Variants in LAMC2 observed in about 807,000 individuals in gnomAD.
The protein encoded by LAMC2 is laminin subunit gamma 2.
A neutral mutation model predicts 140.2 loss-of-function variants in LAMC2; 97 were observed. That is an observed-to-expected ratio of 0.69 (90% CI 0.59 to 0.82). LAMC2 has a LOEUF of 0.82. Among genes scored for constraint, LAMC2 ranks in the 40% least tolerant of loss-of-function variants. LAMC2 has a pLI of 0.00. For missense variants in LAMC2, 1,402 were observed against 1,476.1 expected (o/e 0.95, Z 0.82); for synonymous variants, 513 against 540.2 (o/e 0.95, Z 0.70).
At chr1:183,233,897 T>C (rs961296406) in intron 14 of LAMC2, among the ~76,000 whole-genome samples, 3 of 151,896 alleles carry the variant, frequency 2.0e-5, no homozygotes, top group African/African-American at 7.3e-5. Context: ...TTTCTTTTTT[T>C]TTTTTCGAGA....
At chr1:183,209,654 G>A (rs1659011555) in intron 2 of LAMC2, among the ~76,000 whole-genome samples, 1 of 152,246 alleles carries the variant, frequency 6.6e-6, no homozygotes, top group South Asian at 2.1e-4. Context: ...AGGTCATGCA[G>A]CTTCATTGTG....
rs538375294 is a variant in LAMC2 at position 183,240,841 on chromosome 1, AC to A, written c.3328+451del. On this transcript the variant is annotated intron_variant, in intron 22 of 22. Coordinates refer to ENST00000264144, the MANE Select transcript of LAMC2 (RefSeq NM_005562.3). ...GTTAGAGAGAAGGCAGGTTGAGACT[AC>A]TTAAGATATTGTTGAAATAATTGAA... 4.3e-3 allele frequency: 1,008 copies of A among 235,646 alleles called. 17 individuals are homozygous for A. The highest frequency in any genetic ancestry group is 0.022 in the African/African-American group (953 of 43,318). The allele number at this position is 235,646 out of a possible 1,614,324, so 14.6% of individuals were successfully genotyped here.
chr1:183,210,822 A>C (rs76034704), intron 2 of LAMC2, among the ~76,000 whole-genome samples: 25 of 152,212 alleles, frequency 1.6e-4, no homozygotes, highest in African/African-American at 5.5e-4. Context: ...TCCAAACTGC[A>C]GAGGCTGAAA....
intron 1 of LAMC2, among the ~76,000 whole-genome samples, chr1:183,198,897 C>T (rs1391901633): frequency 4.6e-5 from 7 of 152,146 alleles, no homozygotes; most frequent in Non-Finnish European, 8.8e-5. Flanking sequence ...CCCTTAATCT[C>T]ATTGAAAATC....
chr1:183,245,131 G>A (rs1660214451), downstream of LAMC2, among the ~76,000 whole-genome samples: 1 of 152,108 alleles, frequency 6.6e-6, no homozygotes, highest in African/African-American at 2.4e-5. Context: ...TTTATTTCTA[G>A]AAAAACTCTA....
At position 183,240,762 on chromosome 1, in the gene LAMC2, T is replaced by C. The variant is rs1035150896; in HGVS notation, c.3328+371T>C. ...AAGCAGAGGAATAACATCACCACTG[T>C]ATATTTCAGAAAGATCACTAGGGCA... On this transcript the variant is annotated intron_variant, in intron 22 of 22. Coordinates refer to ENST00000264144, the MANE Select transcript of LAMC2 (RefSeq NM_005562.3). The C allele has an allele frequency of 8.2e-6, 8 of 973,300 alleles. No homozygotes were observed. In the Admixed American group the frequency reaches 2.3e-4, roughly 28 times the overall value. The allele number at this position is 973,300 out of a possible 1,614,324, so 60.3% of individuals were successfully genotyped here.
At chr1:183,207,089 T>G (rs1658909296) in intron 1 of LAMC2, among the ~76,000 whole-genome samples, 1 of 152,232 alleles carries the variant, frequency 6.6e-6, no homozygotes. Flanking sequence ...TGAAGTGATG[T>G]GCCCAAGGAA....
rs767774808 is a variant in LAMC2, at chr1:183,232,176, T to C, written c.1858-11T>C. The C allele has an allele frequency of 6.2e-7, 1 of 1,613,400 alleles. No homozygotes were observed. The highest frequency in any genetic ancestry group is 8.5e-7 in the Non-Finnish European group (1 of 1,179,920). On this transcript the variant is annotated splice_polypyrimidine_tract_variant and intron_variant, in intron 12 of 22. Transcript: ENST00000264144. ...TCCACCCTCGTTCTGATCTTTCCTGTGTGGTTTCAGATGGATCAGTTTATG... is the reference window on the plus strand; with the variant it reads ...TCCACCCTCGTTCTGATCTTTCCTGCGTGGTTTCAGATGGATCAGTTTATG...
At chr1:183,222,016 C>T in intron 5 of LAMC2, 73 bp from the exon 6 acceptor site, 1 of 1,597,170 alleles carries the variant, frequency 6.3e-7, no homozygotes, top group Non-Finnish European at 8.6e-7. Context: ...TGTCGGCAAG[C>T]AAATCTTTCT....
At chr1:183,237,221 G>A (rs1393267302) in intron 17 of LAMC2, 131 bp from the exon 18 acceptor site, 18 of 983,460 alleles carry the variant, frequency 1.8e-5, no homozygotes, top group South Asian at 1.3e-4. Flanking sequence ...TTTGGGCCTG[G>A]ATGGCTAGTG....
At position 183,186,421 on chromosome 1, in the gene LAMC2, C is replaced by T. The variant is rs376512605; in HGVS notation, c.69C>T (p.Ser23=). Residue 23 remains serine, a synonymous_variant, in exon 1 of 23, where the codon TCC becomes TCT. Transcript: ENST00000264144. ...TCCTGCCCGCAGCCCGGGCCACCTC[C>T]AGGAGGGAAGGTGAGTCGGCTTCCA... The part of the protein sequence containing the change: ...SLLLPAARAT[S]RREVCDCNGK... 54 of 1,604,586 alleles carry T rather than the reference C, an allele frequency of 3.4e-5. No individual in the cohort carries two copies. The highest frequency in any genetic ancestry group is 4.2e-5 in the Non-Finnish European group (50 of 1,179,732).
At chr1:183,250,429 C>G in the LAMC2 span, 2 of 152,286 alleles carry the variant, frequency 1.3e-5, no homozygotes, top group East Asian at 3.9e-4. Flanking sequence ...GTGGAGAGCA[C>G]CTGGGACAGA....
rs1659606173 is a variant in LAMC2, at chr1:183,225,707, A to C, written c.1053A>C (p.Thr351=). Residue 351 remains threonine (T), a synonymous_variant, in exon 8 of 23, where the codon ACA becomes ACC. Transcript: ENST00000264144. ...TCACAGCCCTCCGCATCCGAGCTAC[A>C]TATGGAGAATACAGTAAGTGGCTAC... ...RNLTALRIRA[T]YGEYSTGYID... The C allele has an allele frequency of 4.4e-6, 7 of 1,605,086 alleles. No individual in the cohort carries two copies. Among genetic ancestry groups the C allele is most frequent in the Non-Finnish European group, 6.0e-6 (7 of 1,171,670 alleles).
chr1:183,198,255 C>T (rs1430268380), intron 1 of LAMC2, among the ~76,000 whole-genome samples: 1 of 151,498 alleles, frequency 6.6e-6, no homozygotes, highest in East Asian at 1.9e-4. Flanking sequence ...GATTCCCCTG[C>T]CTCAGCCACC....
intron 7 of LAMC2, 132 bp downstream of exon 7, chr1:183,223,456 T>C (rs1659536461): frequency 1.2e-6 from 1 of 822,408 alleles, no homozygotes; most frequent in African/African-American, 1.7e-5. Context: ...ACCATGAAGG[T>C]TGCTATGTGC....
At chr1:183,215,984 G>A (rs1027223858) in intron 3 of LAMC2, among the ~76,000 whole-genome samples, 1 of 152,186 alleles carries the variant, frequency 6.6e-6, no homozygotes, top group African/African-American at 2.4e-5. Flanking sequence ...GGGTGGAACT[G>A]TTCTGCATAA....
intron 8 of LAMC2, 94 bp from the exon 9 acceptor site, chr1:183,226,604 A>G: frequency 1.9e-6 from 2 of 1,067,992 alleles, no homozygotes; most frequent in South Asian, 2.5e-5. Flanking sequence ...TGTCTTTGTT[A>G]GGGAGTTAAG....
In LAMC2 at chr1:183,237,561, A is replaced by C. The variant is rs1289563713; in HGVS notation, c.2754+57A>C. ...AGATGTATTGAATGCCCACCATATG[A>C]ATAAATATGGCAAGAAGAATAATCA... On this transcript the variant is annotated intron_variant, in intron 18 of 22. Coordinates refer to ENST00000264144, the MANE Select transcript of LAMC2 (RefSeq NM_005562.3). 4 of 1,400,100 alleles carry C rather than the reference A, an allele frequency of 2.9e-6. No homozygotes were observed. In the East Asian group the frequency reaches 9.2e-5, roughly 32 times the overall value. The allele number at this position is 1,400,100 out of a possible 1,614,324, so 86.7% of individuals were successfully genotyped here. A position where few individuals can be genotyped will look rare whatever the true frequency, so the allele number is the denominator to read the frequency against.
chr1:183,186,942 G>T (rs995695183), intron 1 of LAMC2, among the ~76,000 whole-genome samples: 1 of 152,146 alleles, frequency 6.6e-6, no homozygotes, highest in Non-Finnish European at 1.5e-5. Flanking sequence ...ACTTTTCATA[G>T]TATTTTCATG....
Sources: allele counts gnomAD v4.1 joint callset (sites outside exome capture counted in the v4.1 genomes callset), GRCh38; gene constraint gnomAD v4.1.1; transcripts MANE v1.5; gene names NCBI Gene and HGNC (gene_info 2026-07-23, HGNC 2026-07-21).